SV2B: variants seen among roughly 807,000 people sequenced by gnomAD.
SV2B encodes the protein synaptic vesicle glycoprotein 2B.
Under a neutral mutation model 73.9 loss-of-function variants are expected in SV2B, and 41 were observed. That is an observed-to-expected ratio of 0.56 (90% CI 0.43 to 0.72). The LOEUF is 0.72. Among genes scored for constraint, SV2B ranks in the 30% least tolerant of loss-of-function variants. The pLI, the probability that SV2B is intolerant of heterozygous loss-of-function variation, is 0.00. For missense variants in SV2B, 764 were observed against 857.8 expected (o/e 0.89, Z 1.37); for synonymous variants, 314 against 314.2 (o/e 1.00, Z 0.01).
At chr15:91,243,872 T>A (rs535189715) in intron 2 of SV2B, among the ~76,000 whole-genome samples, 1 of 152,284 alleles carries the variant, frequency 6.6e-6, no homozygotes, top group South Asian at 2.1e-4. Flanking sequence ...ATTCAGAACC[T>A]AGAACTTCCA....
At chr15:91,169,389 T>G (rs1024839527) in intron 1 of SV2B, among the ~76,000 whole-genome samples, 2 of 151,340 alleles carry the variant, frequency 1.3e-5, no homozygotes, top group Non-Finnish European at 2.9e-5. Flanking sequence ...AGTAAACATC[T>G]GTCCAGTGAA....
At position 91,137,951 on chromosome 15, in the gene SV2B, A is replaced by G. The variant is rs1480495251; in HGVS notation, c.-392+37588A>G. On this transcript the variant is annotated intron_variant, in intron 1 of 12. Coordinates refer to ENST00000394232, the MANE Select transcript of SV2B (RefSeq NM_001323032.3). This position sits in a 1 kb window ranked among gnomAD's most constrained non-coding sequence, Gnocchi z 4.9. ...TAGATGAGGGGAATTTGCTCTTTATAGAAGTATTCCAGCTGACAAATGAAA... is the reference window on the plus strand; with the variant it reads ...TAGATGAGGGGAATTTGCTCTTTATGGAAGTATTCCAGCTGACAAATGAAA... Among the ~76,000 whole-genome samples the G allele has an allele frequency of 1.3e-5, 2 of 152,322 alleles. No homozygotes were observed. The highest frequency in any genetic ancestry group is 2.1e-4 in the South Asian group (1 of 4,828).
At chr15:91,203,762 T>A (rs1408724246) in intron 1 of SV2B, among the ~76,000 whole-genome samples, 1 of 152,160 alleles carries the variant, frequency 6.6e-6, no homozygotes, top group Non-Finnish European at 1.5e-5. Flanking sequence ...TTTTGTCAAG[T>A]TCCTGCGTGT....
chr15:91,287,039 G>T (rs1270091379), intron 11 of SV2B, among the ~76,000 whole-genome samples: 1 of 152,188 alleles, frequency 6.6e-6, no homozygotes. Context: ...TGCATGTAGA[G>T]GGTATTGTCC....
chr15:91,188,938 A>G (rs1287989447), intron 1 of SV2B, among the ~76,000 whole-genome samples: 2 of 151,566 alleles, frequency 1.3e-5, no homozygotes, highest in African/African-American at 4.8e-5. Flanking sequence ...GTGATTCTCT[A>G]GCCTCGGCCT....
intron 1 of SV2B, among the ~76,000 whole-genome samples, chr15:91,134,995 CTTTT>C (rs3082093): frequency 2.9e-5 from 4 of 137,390 alleles, no homozygotes; most frequent in Non-Finnish European, 4.7e-5. Context: ...ATTTCTCAAC[CTTTT>C]TTTTTTTTTT....
Position 91,139,547 on chromosome 15 carries a change from G to C in SV2B, c.-392+39184G>C, listed in dbSNP as rs577922861. Among the ~76,000 whole-genome samples the C allele has an allele frequency of 6.6e-6, 1 of 152,268 alleles. No homozygotes were observed. Among genetic ancestry groups the C allele is most frequent in the Non-Finnish European group, 1.5e-5 (1 of 68,034 alleles). Reference sequence around the variant, plus strand: ...AACACCGCTATCAATGCTGTAGTAAGGAGAGTAAGCCTTGGGCTAAGGGCA... The same window carrying C: ...AACACCGCTATCAATGCTGTAGTAACGAGAGTAAGCCTTGGGCTAAGGGCA... On this transcript the variant is annotated intron_variant, in intron 1 of 12. Coordinates refer to ENST00000394232, the MANE Select transcript of SV2B (RefSeq NM_001323032.3). This position sits in a 1 kb window ranked among gnomAD's most constrained non-coding sequence, Gnocchi z 5.2.
Position 91,141,745 on chromosome 15 carries a change from G to GTTT in SV2B, c.-392+41391_-392+41393dup, listed in dbSNP as rs59875614. Among the ~76,000 whole-genome samples, 3 of 145,390 alleles carry GTTT rather than the reference G, an allele frequency of 2.1e-5. No homozygotes were observed. Among genetic ancestry groups the GTTT allele is most frequent in the African/African-American group, 7.6e-5 (3 of 39,408 alleles). On this transcript the variant is annotated intron_variant, in intron 1 of 12. Coordinates refer to ENST00000394232, the MANE Select transcript of SV2B (RefSeq NM_001323032.3). The surrounding 1 kb of genome is among the most constrained non-coding windows in gnomAD (Gnocchi z 4.6). ...TGCCAAATAGTTTGGGTTTTGTTTTGTTTTTTTTTTTGGACAGAGGTCACA... is the reference window on the plus strand; with the variant it reads ...TGCCAAATAGTTTGGGTTTTGTTTTGTTTTTTTTTTTTTTGGACAGAGGTCACA...
intron 10 of SV2B, among the ~76,000 whole-genome samples, chr15:91,282,617 C>T (rs922093876): frequency 1.3e-5 from 2 of 152,082 alleles, no homozygotes; most frequent in African/African-American, 4.8e-5. Flanking sequence ...TGCTCAAGGC[C>T]GTGGTTAGCA....
At chr15:91,183,906 G>C (rs1464830234) in intron 1 of SV2B, among the ~76,000 whole-genome samples, 2 of 152,014 alleles carry the variant, frequency 1.3e-5, no homozygotes, top group Non-Finnish European at 2.9e-5. Flanking sequence ...TCATCTGCTC[G>C]TCGTTTCTAC....
At chr15:91,181,098 T>C (rs1311946328) in intron 1 of SV2B, among the ~76,000 whole-genome samples, 10 of 152,212 alleles carry the variant, frequency 6.6e-5, no homozygotes, top group Admixed American at 6.5e-4. Flanking sequence ...TGTTTGTTAG[T>C]TTTCCTTCTA....
At chr15:91,134,956 T>G (rs2042772977) in intron 1 of SV2B, among the ~76,000 whole-genome samples, 1 of 151,936 alleles carries the variant, frequency 6.6e-6, no homozygotes, top group Admixed American at 6.6e-5. Context: ...CCTTTTCTGC[T>G]CAGATGTTTC....
In SV2B at chr15:91,253,529, C is replaced by T. The variant is rs1340730103; in HGVS notation, c.784+1009C>T. On this transcript the variant is annotated intron_variant, in intron 4 of 12. Transcript: ENST00000394232. The surrounding 1 kb of genome is among the most constrained non-coding windows in gnomAD (Gnocchi z 5.0). ...TACATTACCTTGACAAGCTGATAAA[C>T]CCTGAAATCTCAGTGTTTTAACACA... is the stretch of plus-strand genomic sequence containing the variant. Among the ~76,000 whole-genome samples, 8 of 152,190 alleles carry T rather than the reference C, an allele frequency of 5.3e-5. No individual in the cohort carries two copies. Among genetic ancestry groups the T allele is most frequent in the African/African-American group, 1.9e-4 (8 of 41,436 alleles).
chr15:91,217,494 A>G (rs2046074199), intron 1 of SV2B, among the ~76,000 whole-genome samples: 1 of 152,190 alleles, frequency 6.6e-6, no homozygotes, highest in African/African-American at 2.4e-5. Flanking sequence ...CAGCACACCA[A>G]CATGGCACAT....
At chr15:91,218,871 G>A (rs2046122612) in intron 1 of SV2B, among the ~76,000 whole-genome samples, 1 of 152,158 alleles carries the variant, frequency 6.6e-6, no homozygotes, top group Admixed American at 6.5e-5. Context: ...CTGGTATCTG[G>A]TATCTTGGCT....
In SV2B at chr15:91,231,918, G is replaced by C. The variant is rs968802502; in HGVS notation, c.451+5204G>C. On this transcript the variant is annotated intron_variant, in intron 2 of 12. Coordinates refer to ENST00000394232, the MANE Select transcript of SV2B (RefSeq NM_001323032.3). The surrounding 1 kb of genome is among the most constrained non-coding windows in gnomAD (Gnocchi z 4.5). ...ATACGGAGGACACAGAGCAATGTCA[G>C]ATGGGGCAGATTCATTAGAATAAAT... 6.6e-6 allele frequency among the ~76,000 whole-genome samples: 1 copy of C among 152,212 alleles called. No individual in the cohort carries two copies. The highest frequency in any genetic ancestry group is 1.9e-4 in the East Asian group (1 of 5,196).
intron 1 of SV2B, among the ~76,000 whole-genome samples, chr15:91,200,593 G>A (rs1408289691): frequency 1.3e-5 from 2 of 152,112 alleles, no homozygotes; most frequent in African/African-American, 4.8e-5. Flanking sequence ...TGGTGCTACT[G>A]GGGTTTATTC....
At chr15:91,282,302 A>G (rs1596782568) in intron 10 of SV2B, among the ~76,000 whole-genome samples, 1 of 152,364 alleles carries the variant, frequency 6.6e-6, no homozygotes, top group African/African-American at 2.4e-5. Context: ...ATGGAAAGGG[A>G]AAATTACATC....
In SV2B at chr15:91,260,306, C is replaced by T. The variant is rs927595527; in HGVS notation, c.919-14C>T. The T allele has an allele frequency of 2.5e-6, 4 of 1,598,194 alleles. No homozygotes were observed. The highest frequency in any genetic ancestry group is 2.7e-5 in the African/African-American group (2 of 73,736). ...GCAATGAATTTTTCCTGTGTCTTTC[C>T]TTGGTTTCACCAGATGGGCAAACAT... On this transcript the variant is annotated splice_polypyrimidine_tract_variant and intron_variant, in intron 5 of 12. Coordinates refer to ENST00000394232, the MANE Select transcript of SV2B (RefSeq NM_001323032.3).
Sources: gnomAD v4.1 joint callset for allele counts (sites outside exome capture counted in the v4.1 genomes callset) on GRCh38, gnomAD v4.1.1 for gene constraint, Gnocchi (gnomAD v3.1) non-coding constraint, MANE v1.5 for transcripts, NCBI Gene and HGNC (gene_info 2026-07-23, HGNC 2026-07-21) for gene names.